MACROD2: variants seen among roughly 807,000 people sequenced by gnomAD.
MACROD2 encodes ADP-ribose glycohydrolase MACROD2.
Under a neutral mutation model 70.4 loss-of-function variants are expected in MACROD2, and 36 were observed. That is an observed-to-expected ratio of 0.51 (90% CI 0.39 to 0.68). MACROD2 has a LOEUF of 0.68. Ranked by LOEUF, MACROD2 falls within the 30% of genes least tolerant of loss-of-function variation. The pLI is 0.00. For synonymous variants in MACROD2, 172 were observed against 178.8 expected (o/e 0.96, Z 0.30); for missense variants, 496 against 538.4 (o/e 0.92, Z 0.78).
rs551643704 is a variant in MACROD2 at position 15,553,622 on chromosome 20, G to C, written c.645+53775G>C. On this transcript the variant is annotated intron_variant, in intron 8 of 17. Coordinates refer to ENST00000684519, the MANE Select transcript of MACROD2 (RefSeq NM_001351661.2). Reference sequence around the variant, plus strand: ...TTTAGTAGAGTTGGGGTTCCACCATGTTGCCCAGGCCAGTCCTGAACTCCT... The same window carrying C: ...TTTAGTAGAGTTGGGGTTCCACCATCTTGCCCAGGCCAGTCCTGAACTCCT... 1.1e-4 allele frequency among the ~76,000 whole-genome samples: 17 copies of C among 152,246 alleles called. No individual in the cohort carries two copies. The South Asian group carries it at 3.3e-3, about 30-fold the overall frequency.
intron 5 of MACROD2, among the ~76,000 whole-genome samples, chr20:14,842,124 T>C: frequency 6.6e-6 from 1 of 152,128 alleles, no homozygotes; most frequent in East Asian, 1.9e-4. Context: ...CATGGCATGA[T>C]TGAAGGCATC....
At chr20:14,682,210 A>G (rs1226971938) in intron 4 of MACROD2, among the ~76,000 whole-genome samples, 1 of 152,138 alleles carries the variant, frequency 6.6e-6, no homozygotes, top group Non-Finnish European at 1.5e-5. Context: ...TCCTATTTTC[A>G]TTATCTATTT....
At chr20:14,188,887 G>A (rs759059278) in intron 3 of MACROD2, among the ~76,000 whole-genome samples, 1 of 152,064 alleles carries the variant, frequency 6.6e-6, no homozygotes, top group Non-Finnish European at 1.5e-5. Context: ...ACATTATTTA[G>A]AGCTATTTAT....
chr20:16,022,267 G>A (rs2067013620), intron 15 of MACROD2, among the ~76,000 whole-genome samples: 1 of 152,050 alleles, frequency 6.6e-6, no homozygotes, highest in African/African-American at 2.4e-5. Flanking sequence ...TAGCCAGGAT[G>A]GTCTCGATCT....
intron 5 of MACROD2, among the ~76,000 whole-genome samples, chr20:14,687,847 C>T (rs182112573): frequency 6.6e-6 from 1 of 152,222 alleles, no homozygotes. Flanking sequence ...ATATTAAAAG[C>T]ATAAAGGAAA....
At chr20:15,128,482 C>A (rs758581062) in intron 5 of MACROD2, among the ~76,000 whole-genome samples, 1 of 151,810 alleles carries the variant, frequency 6.6e-6, no homozygotes, top group South Asian at 2.1e-4. Context: ...CCTTTTCTTC[C>A]CATCACACAA....
At chr20:15,288,918 A>G (rs2077517249) in intron 6 of MACROD2, among the ~76,000 whole-genome samples, 1 of 143,396 alleles carries the variant, frequency 7.0e-6, no homozygotes, top group Admixed American at 7.0e-5. Flanking sequence ...TCTCCTCTCC[A>G]TCCTATTGGT....
At position 14,459,079 on chromosome 20, in the gene MACROD2, A is replaced by C. The variant is rs186386918; in HGVS notation, c.272-34400A>C. 2.3e-3 allele frequency among the ~76,000 whole-genome samples: 354 copies of C among 152,206 alleles called. 4 individuals carry two copies. The highest frequency in any genetic ancestry group is 8.1e-3 in the African/African-American group (334 of 41,486). On this transcript the variant is annotated intron_variant, in intron 3 of 17. Transcript: ENST00000684519. Reference sequence around the variant, plus strand: ...TAATAAATATTAATTTATTACCAAAAGAAGGTGTGAGATCTAAGAACTCTG... The same window carrying C: ...TAATAAATATTAATTTATTACCAAACGAAGGTGTGAGATCTAAGAACTCTG...
chr20:14,383,139 A>G (rs1239487114), intron 3 of MACROD2, among the ~76,000 whole-genome samples: 1 of 152,174 alleles, frequency 6.6e-6, no homozygotes, highest in African/African-American at 2.4e-5. Context: ...TTAAAAATGC[A>G]TTCTTGCTTT....
At chr20:15,240,887 A>G (rs1193717959) in intron 6 of MACROD2, among the ~76,000 whole-genome samples, 1 of 152,206 alleles carries the variant, frequency 6.6e-6, no homozygotes, top group Non-Finnish European at 1.5e-5. Context: ...ACAGGAAGAG[A>G]GCCCTCACAG....
In MACROD2 at chr20:14,001,251, A is replaced by G. The variant is rs2052729812; in HGVS notation, c.47-1037A>G. ...CAAAATTGGCATAATAATACTATCAATTTTATGAGTTATTAGGAAGATTAT... is the reference window on the plus strand; with the variant it reads ...CAAAATTGGCATAATAATACTATCAGTTTTATGAGTTATTAGGAAGATTAT... On this transcript the variant is annotated intron_variant, in intron 1 of 17. Transcript: ENST00000684519. Among the ~76,000 whole-genome samples, 3 of 152,192 alleles carry G rather than the reference A, an allele frequency of 2.0e-5. No individual in the cohort carries two copies. In the South Asian group the frequency reaches 6.2e-4, roughly 32 times the overall value.
intron 6 of MACROD2, among the ~76,000 whole-genome samples, chr20:15,344,714 C>T (rs1369676767): frequency 6.6e-6 from 1 of 152,084 alleles, no homozygotes; most frequent in African/African-American, 2.4e-5. Flanking sequence ...ATGGCCCTGC[C>T]TTTTCACACT....
intron 3 of MACROD2, among the ~76,000 whole-genome samples, chr20:14,186,684 T>G (rs193288931): frequency 3.5e-4 from 53 of 152,218 alleles, no homozygotes; most frequent in African/African-American, 1.2e-3. Flanking sequence ...AGCAAAGACA[T>G]GGAATCAACC....
intron 5 of MACROD2, among the ~76,000 whole-genome samples, chr20:15,166,625 A>G (rs2076386068): frequency 6.6e-6 from 1 of 152,176 alleles, no homozygotes; most frequent in Non-Finnish European, 1.5e-5. Context: ...AAAAAAGTAT[A>G]AAATACAACA....
chr20:14,684,969 A>G lies in MACROD2; in HGVS notation c.418+10A>G, dbSNP rs141942485. On this transcript the variant is annotated intron_variant, in intron 5 of 17. Coordinates refer to ENST00000684519, the MANE Select transcript of MACROD2 (RefSeq NM_001351661.2). ...GACCTTCCTGCAAAATGTGAGTACAACTGAATACTGTTTCAAAACCAGATG... is the reference window on the plus strand; with the variant it reads ...GACCTTCCTGCAAAATGTGAGTACAGCTGAATACTGTTTCAAAACCAGATG... 3 of 1,595,874 alleles carry G rather than the reference A, an allele frequency of 1.9e-6. No individual in the cohort carries two copies. Among genetic ancestry groups the G allele is most frequent in the East Asian group, 2.2e-5 (1 of 44,734 alleles).
At chr20:14,905,543 C>T (rs1334683803) in intron 5 of MACROD2, 1 of 152,054 alleles carries the variant, frequency 6.6e-6, no homozygotes, top group East Asian at 1.9e-4. Flanking sequence ...CCTTTTTCTC[C>T]ATTCATTTTC....
intron 3 of MACROD2, among the ~76,000 whole-genome samples, chr20:14,094,003 T>A (rs6042528): frequency 1.1e-4 from 17 of 151,892 alleles, no homozygotes; most frequent in African/African-American, 3.6e-4. Context: ...ATTTTTTTTT[T>A]ATTTTTTAGA....
intron 3 of MACROD2, among the ~76,000 whole-genome samples, chr20:14,290,565 A>C (rs1286193040): frequency 1.3e-5 from 2 of 150,152 alleles, no homozygotes; most frequent in Non-Finnish European, 3.0e-5. Flanking sequence ...GCTGGAGTGC[A>C]ATGGCACAAT....
intron 3 of MACROD2, among the ~76,000 whole-genome samples, chr20:14,419,104 G>T (rs967291641): frequency 6.6e-6 from 1 of 152,048 alleles, no homozygotes; most frequent in Non-Finnish European, 1.5e-5. Flanking sequence ...GCCCAGGCTG[G>T]AGTGCAATGG....
Sources: allele counts gnomAD v4.1 joint callset (sites outside exome capture counted in the v4.1 genomes callset), GRCh38; gene constraint gnomAD v4.1.1; transcripts MANE v1.5; gene names NCBI Gene and HGNC (gene_info 2026-07-23, HGNC 2026-07-21).